The following ZRANB3 variants were observed in gnomAD, a reference collection of about 807,000 sequenced individuals.
The protein encoded by ZRANB3 is zinc finger RANBP2-type containing 3, also known as DNA annealing helicase and endonuclease ZRANB3.
ZRANB3 carries 125 observed loss-of-function variants against 133.8 expected under a neutral mutation model. The observed-to-expected ratio is 0.93, with a 90% CI of 0.81 to 1.08. The LOEUF (loss-of-function observed/expected upper bound fraction) is 1.08, where lower values mean the gene tolerates loss of function less well. ZRANB3 is among the 50% of genes least tolerant of loss of function. ZRANB3 has a pLI of 0.00. For synonymous variants in ZRANB3, 387 were observed against 432.7 expected, an observed-to-expected ratio of 0.89 and a Z score of 1.31; for missense variants, 1,229 against 1,275.5, an observed-to-expected ratio of 0.96 and a Z score of 0.56.
chr2:135,336,703 A>G (rs1231390197), intron 6 of ZRANB3, among the ~76,000 whole-genome samples: 1 of 152,234 alleles, frequency 6.6e-6, no homozygotes, highest in African/African-American at 2.4e-5. Flanking sequence ...GAAACAGGGT[A>G]GGCATTAAGT....
At chr2:135,351,381 T>C (rs913455512) in intron 4 of ZRANB3, among the ~76,000 whole-genome samples, 1 of 151,478 alleles carries the variant, frequency 6.6e-6, no homozygotes, top group Non-Finnish European at 1.5e-5. Flanking sequence ...CATTCTCCTG[T>C]CTCAGCCTCC....
intron 2 of ZRANB3, among the ~76,000 whole-genome samples, chr2:135,477,452 G>A (rs1439255908): frequency 1.3e-5 from 2 of 152,172 alleles, no homozygotes; most frequent in Non-Finnish European, 2.9e-5. Context: ...AGGAAGGTCT[G>A]GTAGTAGCTG....
intron 12 of ZRANB3, among the ~76,000 whole-genome samples, chr2:135,235,737 AC>A (rs1382047540): frequency 2.3e-4 from 34 of 150,174 alleles, no homozygotes; most frequent in African/African-American, 7.1e-4. Flanking sequence ...AAATTCAACA[AC>A]CCTTCATGCT....
chr2:135,265,453 T>C, intron 12 of ZRANB3, 81 bp downstream of exon 12: 2 of 1,364,188 alleles, frequency 1.5e-6, no homozygotes, highest in Non-Finnish European at 9.7e-7. Context: ...TAATTGAGAG[T>C]TGCTATTTAA....
At chr2:135,512,053 C>G (rs1205159338) in intron 1 of ZRANB3, 2 of 510,500 alleles carry the variant, frequency 3.9e-6, no homozygotes, top group Non-Finnish European at 7.2e-6. Context: ...GGCAGAAACC[C>G]CTCATGCAAC....
chr2:135,316,246 A>T (rs995839281), intron 6 of ZRANB3, among the ~76,000 whole-genome samples: 1 of 152,224 alleles, frequency 6.6e-6, no homozygotes, highest in African/African-American at 2.4e-5. Context: ...GCAAAAGACA[A>T]GTTATTCTCT....
chr2:135,489,621 A>T (rs140248120), intron 2 of ZRANB3, among the ~76,000 whole-genome samples: 52 of 151,968 alleles, frequency 3.4e-4, no homozygotes, highest in African/African-American at 1.2e-3. Context: ...GTGAACTTAC[A>T]GGTCAGAGAA....
chr2:135,530,031 T>C (rs1694403179), intron 1 of ZRANB3, among the ~76,000 whole-genome samples: 1 of 150,468 alleles, frequency 6.6e-6, no homozygotes. Context: ...ATCGAGACCA[T>C]CCTGGCCAAC....
chr2:135,418,904 A>G (rs1487469468), intron 2 of ZRANB3, among the ~76,000 whole-genome samples: 1 of 150,136 alleles, frequency 6.7e-6, no homozygotes, highest in African/African-American at 2.5e-5. Flanking sequence ...TTGCCAAAGT[A>G]ATGAAAAATA....
intron 12 of ZRANB3, among the ~76,000 whole-genome samples, chr2:135,246,216 T>C (rs1352264480): frequency 1.3e-5 from 2 of 151,592 alleles, no homozygotes; most frequent in African/African-American, 4.8e-5. Flanking sequence ...CCTTGATGTT[T>C]TGAGACAGAG....
chr2:135,294,284 G>C (rs574136842), intron 8 of ZRANB3, among the ~76,000 whole-genome samples: 1 of 152,276 alleles, frequency 6.6e-6, no homozygotes, highest in South Asian at 2.1e-4. Flanking sequence ...CCTGTTATTG[G>C]TCTATTCAGG....
intron 1 of ZRANB3, among the ~76,000 whole-genome samples, chr2:135,518,505 G>A (rs1215664661): frequency 6.6e-6 from 1 of 152,200 alleles, no homozygotes; most frequent in Non-Finnish European, 1.5e-5. Context: ...CCTTGGCTAA[G>A]GGAGGGAGTT....
Position 135,348,714 on chromosome 2 carries a change from C to A in ZRANB3, c.591+1270G>T, listed in dbSNP as rs185472827. On this transcript the variant is annotated intron_variant, in intron 5 of 20. Transcript: ENST00000264159. Reference sequence around the variant, plus strand: ...GGTTCAAGTGATTTTCCTGCCTCAGCCTCCCGGGTAGCTAAACTACAGGCA... The same window carrying A: ...GGTTCAAGTGATTTTCCTGCCTCAGACTCCCGGGTAGCTAAACTACAGGCA... Among the ~76,000 whole-genome samples the A allele has an allele frequency of 8.5e-5, 13 of 152,270 alleles. 1 individual carries two copies. The East Asian group carries it at 2.5e-3, about 29-fold the overall frequency.
intron 6 of ZRANB3, among the ~76,000 whole-genome samples, chr2:135,329,987 A>G (rs1166723495): frequency 6.6e-6 from 1 of 152,206 alleles, no homozygotes; most frequent in Admixed American, 6.5e-5. Flanking sequence ...ATATATAATC[A>G]TGTCATCTGC....
At position 135,427,527 on chromosome 2, in the gene ZRANB3, C is replaced by G. The variant is rs562742190; in HGVS notation, c.162-36707G>C. On this transcript the variant is annotated intron_variant, in intron 2 of 20. Transcript: ENST00000264159. ...CAAGGGAGGTGAAAGATCTCAACAA[C>G]AAGAATGACAAAACACTGCTCAAAG... is the stretch of plus-strand genomic sequence containing the variant. Among the ~76,000 whole-genome samples, 10 of 152,190 alleles carry G rather than the reference C, an allele frequency of 6.6e-5. No homozygotes were observed. The East Asian group carries it at 1.9e-3, about 29-fold the overall frequency.
chr2:135,401,343 G>A (rs1687720676), intron 2 of ZRANB3, among the ~76,000 whole-genome samples: 1 of 152,158 alleles, frequency 6.6e-6, no homozygotes, highest in South Asian at 2.1e-4. Flanking sequence ...ACACCCCAAA[G>A]TTGATGTGAT....
intron 17 of ZRANB3, among the ~76,000 whole-genome samples, chr2:135,212,885 A>G (rs1207989108): frequency 6.6e-6 from 1 of 152,206 alleles, no homozygotes; most frequent in East Asian, 1.9e-4. Flanking sequence ...CATCCTAAAC[A>G]TGACAGGGCT....
At chr2:135,244,362 T>C (rs1695690103) in intron 12 of ZRANB3, among the ~76,000 whole-genome samples, 1 of 152,144 alleles carries the variant, frequency 6.6e-6, no homozygotes, top group African/African-American at 2.4e-5. Context: ...TCTCAGCACT[T>C]TGGGAGGCCA....
intron 2 of ZRANB3, among the ~76,000 whole-genome samples, chr2:135,478,962 T>C (rs1227477863): frequency 1.3e-5 from 2 of 152,008 alleles, no homozygotes; most frequent in East Asian, 1.9e-4. Flanking sequence ...TTATATATAC[T>C]GATATACCTA....
Sources: allele counts gnomAD v4.1 joint callset (sites outside exome capture counted in the v4.1 genomes callset), GRCh38; gene constraint gnomAD v4.1.1; transcripts MANE v1.5; gene names NCBI Gene and HGNC (gene_info 2026-07-23, HGNC 2026-07-21).